The following CTNND2 variants were observed in gnomAD, a reference collection of about 807,000 sequenced individuals.
The protein encoded by CTNND2 is catenin delta-2.
Under a neutral mutation model 144.4 loss-of-function variants are expected in CTNND2, and 22 were observed. The ratio of observed to expected loss-of-function variants is 0.15; its 90% CI spans 0.11 to 0.22. The LOEUF (loss-of-function observed/expected upper bound fraction) is 0.22. CTNND2 is among the 10% of genes least tolerant of loss of function. The pLI, the probability that CTNND2 is intolerant of heterozygous loss-of-function variation, is 1.00. For missense variants in CTNND2, 1,353 were observed against 1,618.8 expected (o/e 0.84, Z 2.82); for synonymous variants, 751 against 695.6 (o/e 1.08, Z -1.25).
At chr5:11,892,844 A>G (rs914408387) in intron 1 of CTNND2, among the ~76,000 whole-genome samples, 1 of 152,228 alleles carries the variant, frequency 6.6e-6, no homozygotes, top group African/African-American at 2.4e-5. Flanking sequence ...GACGAAATCT[A>G]CTACTGGTCC....
chr5:11,629,246 A>G (rs2126460372), intron 2 of CTNND2, among the ~76,000 whole-genome samples: 1 of 151,114 alleles, frequency 6.6e-6, no homozygotes, highest in Admixed American at 6.6e-5. Flanking sequence ...CCACTGCCTA[A>G]CCCGGAAAAG....
At chr5:11,374,476 A>G (rs1266457996) in intron 7 of CTNND2, among the ~76,000 whole-genome samples, 2 of 152,114 alleles carry the variant, frequency 1.3e-5, no homozygotes, top group Non-Finnish European at 2.9e-5. Context: ...AGTCTTCACC[A>G]CCACAATCTT....
At chr5:11,705,582 T>C (rs1260908055) in intron 2 of CTNND2, among the ~76,000 whole-genome samples, 2 of 152,344 alleles carry the variant, frequency 1.3e-5, no homozygotes, top group African/African-American at 4.8e-5. Flanking sequence ...CTTCTACTCT[T>C]TGCTTTATTC....
intron 16 of CTNND2, among the ~76,000 whole-genome samples, chr5:11,033,170 G>A (rs994848731): frequency 6.6e-6 from 1 of 152,126 alleles, no homozygotes; most frequent in Non-Finnish European, 1.5e-5. Flanking sequence ...ATAAACATGT[G>A]CTGACAAAAA....
At position 11,904,381 on chromosome 5, in the gene CTNND2, C is replaced by T. The variant is rs916838423; in HGVS notation, c.-528G>A. On this transcript the variant is annotated 5_prime_UTR_variant, in exon 1 of 22. Transcript: ENST00000304623. The surrounding 1 kb of genome is among the most constrained non-coding windows in gnomAD (Gnocchi z 4.2). ...GCCTCAGCCTCCACCTAAACCTCGG[C>T]GGCCGGCCCGGGCGCCCGGCTAGTG... Among the ~76,000 whole-genome samples, 2 of 151,268 alleles carry T rather than the reference C, an allele frequency of 1.3e-5. No homozygotes were observed. Among genetic ancestry groups the T allele is most frequent in the African/African-American group, 4.8e-5 (2 of 41,308 alleles).
intron 16 of CTNND2, among the ~76,000 whole-genome samples, chr5:11,031,345 T>C (rs1439350952): frequency 2.6e-5 from 4 of 151,988 alleles, no homozygotes; most frequent in Non-Finnish European, 1.5e-5. Context: ...TTCTGCCAGC[T>C]GCAAGTAAGC....
chr5:11,711,880 T>C (rs572703473), intron 2 of CTNND2, among the ~76,000 whole-genome samples: 2 of 152,322 alleles, frequency 1.3e-5, no homozygotes, highest in South Asian at 4.1e-4. Context: ...ATGATTCTGG[T>C]AGGTGGGCAG....
chr5:11,429,778 G>C (rs1763110461), intron 3 of CTNND2, among the ~76,000 whole-genome samples: 1 of 152,172 alleles, frequency 6.6e-6, no homozygotes. Context: ...ATGAAAGAGT[G>C]TCTAGCAAGC....
At chr5:11,173,487 T>C (rs1032984176) in intron 11 of CTNND2, among the ~76,000 whole-genome samples, 1 of 152,206 alleles carries the variant, frequency 6.6e-6, no homozygotes, top group Non-Finnish European at 1.5e-5. Context: ...TCATGTCCTG[T>C]GGAAACCTTG....
chr5:11,882,478 G>A (rs1020144477), intron 1 of CTNND2, among the ~76,000 whole-genome samples: 19 of 149,584 alleles, frequency 1.3e-4, no homozygotes, highest in East Asian at 5.9e-4. Flanking sequence ...AGTTTATACC[G>A]AAGAATCTCT....
intron 3 of CTNND2, among the ~76,000 whole-genome samples, chr5:11,495,177 A>G: frequency 6.6e-6 from 1 of 152,120 alleles, no homozygotes; most frequent in East Asian, 1.9e-4. Context: ...GATTTTTAAC[A>G]ACTGTATTTA....
chr5:11,470,388 G>A (rs761975473), intron 3 of CTNND2, among the ~76,000 whole-genome samples: 9 of 152,266 alleles, frequency 5.9e-5, no homozygotes, highest in African/African-American at 7.2e-5. Context: ...AGCCGAGATT[G>A]TGCCATTGCA....
chr5:11,873,054 G>A (rs529094701), intron 1 of CTNND2, among the ~76,000 whole-genome samples: 3 of 152,250 alleles, frequency 2.0e-5, no homozygotes, highest in East Asian at 1.9e-4. Flanking sequence ...TTGTCAGAGC[G>A]AACAGGCAAC....
At chr5:11,399,257 G>A (rs1760420453) in intron 5 of CTNND2, among the ~76,000 whole-genome samples, 2 of 152,120 alleles carry the variant, frequency 1.3e-5, no homozygotes, top group Admixed American at 6.5e-5. Flanking sequence ...AGATAGTAAT[G>A]CATCCTAAGG....
chr5:11,437,154 G>A (rs1178234687), intron 3 of CTNND2, among the ~76,000 whole-genome samples: 1 of 152,180 alleles, frequency 6.6e-6, no homozygotes, highest in Non-Finnish European at 1.5e-5. Flanking sequence ...TTTTAAGACT[G>A]AGTCAATTAG....
chr5:11,550,153 T>C (rs1379001865), intron 3 of CTNND2, among the ~76,000 whole-genome samples: 1 of 152,236 alleles, frequency 6.6e-6, no homozygotes, highest in Admixed American at 6.5e-5. Flanking sequence ...GAGGTAACTG[T>C]TATTCTCCCG....
At chr5:11,733,871 G>C (rs1045763151) in intron 1 of CTNND2, among the ~76,000 whole-genome samples, 1 of 152,230 alleles carries the variant, frequency 6.6e-6, no homozygotes, top group Non-Finnish European at 1.5e-5. Context: ...AAACAAATGA[G>C]ATTGCTGTGG....
At chr5:11,865,078 A>G (rs970836589) in intron 1 of CTNND2, among the ~76,000 whole-genome samples, 7 of 151,780 alleles carry the variant, frequency 4.6e-5, no homozygotes, top group African/African-American at 1.7e-4. Context: ...TATTTTTAGT[A>G]GAGACAAGGT....
intron 2 of CTNND2, among the ~76,000 whole-genome samples, chr5:11,701,177 G>A (rs972447790): frequency 1.2e-4 from 19 of 152,206 alleles, no homozygotes; most frequent in Non-Finnish European, 2.4e-4. Flanking sequence ...CTTTACTTGA[G>A]GACATAGCAG....
Sources: gnomAD v4.1 joint callset for allele counts (sites outside exome capture counted in the v4.1 genomes callset) on GRCh38, gnomAD v4.1.1 for gene constraint, Gnocchi (gnomAD v3.1) non-coding constraint, MANE v1.5 for transcripts, NCBI Gene and HGNC (gene_info 2026-07-23, HGNC 2026-07-21) for gene names.